Variants in EYA1 observed in about 807,000 individuals in gnomAD.
EYA1 encodes EYA transcriptional coactivator and phosphatase 1.
A neutral mutation model predicts 82.0 loss-of-function variants in EYA1; 16 were observed. That is an observed-to-expected ratio of 0.20 (90% CI 0.13 to 0.30). The LOEUF (loss-of-function observed/expected upper bound fraction) is 0.30, where lower values mean the gene tolerates loss of function less well. Among genes scored for constraint, EYA1 ranks in the 10% least tolerant of loss-of-function variants. The probability of loss-of-function intolerance (pLI) is 1.00; values close to 1 mark genes in which losing one functional copy is unlikely to be tolerated. For synonymous variants in EYA1, 261 were observed against 264.4 expected, an observed-to-expected ratio of 0.99 and a Z score of 0.12; for missense variants, 633 against 730.7, an observed-to-expected ratio of 0.87 and a Z score of 1.54.
rs1445404 is a variant in EYA1 at position 71,354,848 on chromosome 8, G to T, written c.58C>A (p.Pro20Thr). 13 of 1,613,600 alleles carry T rather than the reference G, an allele frequency of 8.1e-6. No individual in the cohort carries two copies. Among genetic ancestry groups the T allele is most frequent in the Non-Finnish European group, 1.1e-5 (13 of 1,179,654 alleles). Residue 20 changes from proline (P) to threonine (T), a missense_variant, in exon 3 of 18, where the codon CCC becomes ACC. Pro to Thr is a conservative substitution (Grantham distance 38). Transcript: ENST00000340726. Reference sequence around the variant, plus strand: ...GAGTTACCGAGTTTGGGGCCACTGGGGGATTCACTACTACCACTCAGACGG... The same window carrying T: ...GAGTTACCGAGTTTGGGGCCACTGGTGGATTCACTACTACCACTCAGACGG... ...HSRLSGSSES[P>T]SGPKLGNSHI...
At chr8:71,502,706 G>GCTTTTCTTCATCATCTC (rs1811895573) in intron 2 of EYA1, among the ~76,000 whole-genome samples, 1 of 152,296 alleles carries the variant, frequency 6.6e-6, no homozygotes. Context: ...GGTGCCTGAA[G>GCTTTTCTTCATCATCTC]CATGGAGATG....
chr8:71,423,396 T>C (rs1003720365), intron 2 of EYA1, among the ~76,000 whole-genome samples: 1 of 152,220 alleles, frequency 6.6e-6, no homozygotes, highest in African/African-American at 2.4e-5. Context: ...TTGAAATATT[T>C]TTATCTTTAT....
intron 2 of EYA1, among the ~76,000 whole-genome samples, chr8:71,491,355 T>C (rs958489249): frequency 1.4e-4 from 22 of 152,200 alleles, no homozygotes; most frequent in Admixed American, 1.2e-3. Context: ...CTCATTCTGA[T>C]AGGGCTACAG....
At chr8:71,331,269 C>G (rs2129044015) in intron 4 of EYA1, among the ~76,000 whole-genome samples, 1 of 148,360 alleles carries the variant, frequency 6.7e-6, no homozygotes, top group Non-Finnish European at 1.5e-5. Context: ...CACACACACA[C>G]ACACACACAC....
chr8:71,304,743 CCTAT>C (rs967976776), intron 7 of EYA1, among the ~76,000 whole-genome samples: 9 of 142,922 alleles, frequency 6.3e-5, no homozygotes, highest in African/African-American at 2.0e-4. Context: ...CTTCTCAGAG[CCTAT>C]CTGTGTGGGG....
chr8:71,350,544 A>G (rs935024847), intron 3 of EYA1, among the ~76,000 whole-genome samples: 1 of 152,202 alleles, frequency 6.6e-6, no homozygotes, highest in African/African-American at 2.4e-5. Context: ...CAAAATTACT[A>G]TTTGAATTAC....
intron 2 of EYA1, among the ~76,000 whole-genome samples, chr8:71,373,981 G>A (rs1828225459): frequency 6.6e-6 from 1 of 151,988 alleles, no homozygotes; most frequent in Admixed American, 6.6e-5. Context: ...AGACACAAAA[G>A]CAACTCCAAA....
intron 17 of EYA1, among the ~76,000 whole-genome samples, chr8:71,206,183 T>A (rs1222994402): frequency 6.6e-6 from 1 of 152,092 alleles, no homozygotes; most frequent in Non-Finnish European, 1.5e-5. Context: ...GTAAGTCAAG[T>A]CATATTTAAG....
intron 2 of EYA1, among the ~76,000 whole-genome samples, chr8:71,515,618 C>T (rs961092682): frequency 7.9e-5 from 12 of 152,012 alleles, no homozygotes; most frequent in African/African-American, 2.9e-4. Context: ...CTATGTAAAA[C>T]ATTTCTTAAC....
At chr8:71,220,146 T>C (rs79534270) in intron 12 of EYA1, among the ~76,000 whole-genome samples, 9,358 of 152,144 alleles carry the variant, frequency 0.062, 946 homozygotes, top group African/African-American at 0.21. Context: ...CAATATATAT[T>C]CCTAAAAACC....
At chr8:71,395,323 A>T (rs1442450094) in intron 2 of EYA1, among the ~76,000 whole-genome samples, 1 of 152,308 alleles carries the variant, frequency 6.6e-6, no homozygotes, top group African/African-American at 2.4e-5. Flanking sequence ...AACTTCCAAC[A>T]CTATGTTGAA....
At chr8:71,255,718 G>T (rs1814331273) in intron 11 of EYA1, among the ~76,000 whole-genome samples, 2 of 151,910 alleles carry the variant, frequency 1.3e-5, no homozygotes, top group South Asian at 4.1e-4. Context: ...CAATAACCAA[G>T]AAAATAAATT....
At chr8:71,321,635 C>A in intron 6 of EYA1, 99 bp downstream of exon 6, 2 of 1,455,924 alleles carry the variant, frequency 1.4e-6, no homozygotes. Flanking sequence ...ACAACACGTT[C>A]TAAATTGGCC....
intron 2 of EYA1, among the ~76,000 whole-genome samples, chr8:71,425,581 C>G (rs1244453890): frequency 1.3e-5 from 2 of 152,152 alleles, no homozygotes; most frequent in African/African-American, 4.8e-5. Context: ...GGGGAAATTT[C>G]CCTTATCTAA....
chr8:71,427,273 G>A (rs868252493), intron 2 of EYA1, among the ~76,000 whole-genome samples: 5 of 152,304 alleles, frequency 3.3e-5, no homozygotes, highest in Middle Eastern at 6.8e-3. Flanking sequence ...AGCTGCATCA[G>A]CTTGTGGAGC....
At chr8:71,400,276 G>A (rs868391229) in intron 2 of EYA1, among the ~76,000 whole-genome samples, 3 of 152,142 alleles carry the variant, frequency 2.0e-5, no homozygotes, top group Middle Eastern at 3.4e-3. Context: ...CAATTGCAAC[G>A]AATGCAAAAA....
chr8:71,451,047 AT>A (rs1375485544), intron 2 of EYA1, among the ~76,000 whole-genome samples: 5 of 152,344 alleles, frequency 3.3e-5, no homozygotes, highest in African/African-American at 1.2e-4. Context: ...CACCCATTAA[AT>A]TGTGAAGGAT....
chr8:71,240,660 C>T (rs188216182), intron 12 of EYA1, among the ~76,000 whole-genome samples: 1 of 152,234 alleles, frequency 6.6e-6, no homozygotes, highest in Non-Finnish European at 1.5e-5. Context: ...AACCATAATG[C>T]CAGTGAAATC....
chr8:71,546,373 GA>G (rs1415070167), intron 1 of EYA1, among the ~76,000 whole-genome samples: 1 of 152,180 alleles, frequency 6.6e-6, no homozygotes, highest in Non-Finnish European at 1.5e-5. Context: ...CCAGGACATT[GA>G]AGGTGTTGGT....
Sources: allele counts gnomAD v4.1 joint callset (sites outside exome capture counted in the v4.1 genomes callset), GRCh38; gene constraint gnomAD v4.1.1; transcripts MANE v1.5; gene names NCBI Gene and HGNC (gene_info 2026-07-23, HGNC 2026-07-21).